The following PRORP variants were observed in gnomAD, a reference collection of about 807,000 sequenced individuals.
PRORP encodes protein only RNase P catalytic subunit.
PRORP carries 51 observed loss-of-function variants against 59.4 expected under a neutral mutation model. That is an observed-to-expected ratio of 0.86 (90% CI 0.69 to 1.08). The LOEUF (loss-of-function observed/expected upper bound fraction) is 1.08. Among genes scored for constraint, PRORP ranks in the 50% least tolerant of loss-of-function variants. The probability of loss-of-function intolerance (pLI) is 0.00; values close to 1 mark genes in which losing one functional copy is unlikely to be tolerated. For missense variants in PRORP, 646 were observed against 690.3 expected (o/e 0.94, Z 0.72); for synonymous variants, 231 against 245.6 (o/e 0.94, Z 0.55).
At position 35,123,774 on chromosome 14, in the gene PRORP, T is replaced by G; in HGVS notation, c.529T>G (p.Leu177Val). Residue 177 changes from leucine (L) to valine (V), a missense_variant, in exon 2 of 8, where the codon TTA becomes GTA. By Grantham distance (32) the Leu-to-Val change is conservative (BLOSUM62 1). Transcript: ENST00000534898. ...AAATAATGGTATTGTAAGTTACGATTTACTGGTCAAGTATTTGTATCTCTG... is the reference window on the plus strand; with the variant it reads ...AAATAATGGTATTGTAAGTTACGATGTACTGGTCAAGTATTTGTATCTCTG... ...AKNNGIVSYD[L>V]LVKYLYLCVF... The G allele has an allele frequency of 6.2e-7, 1 of 1,614,204 alleles. No homozygotes were observed. The highest frequency in any genetic ancestry group is 8.5e-7 in the Non-Finnish European group (1 of 1,180,026).
intron 5 of PRORP, among the ~76,000 whole-genome samples, chr14:35,244,557 G>T (rs1595370232): frequency 6.6e-6 from 1 of 151,820 alleles, no homozygotes; most frequent in African/African-American, 2.4e-5. Context: ...AACATATGAG[G>T]TTGCTATTTT....
At position 35,123,566 on chromosome 14, in the gene PRORP, TGTGAGGAACAC is replaced by T; in HGVS notation, c.322_332del (p.Val108TyrfsTer15). 1 of 1,614,214 alleles carries T rather than the reference TGTGAGGAACAC, an allele frequency of 6.2e-7. No homozygotes were observed. Among genetic ancestry groups the T allele is most frequent in the African/African-American group, 1.3e-5 (1 of 75,052 alleles). On this transcript the variant is annotated frameshift_variant, in exon 2 of 8. Transcript: ENST00000534898. LOFTEE classifies it high-confidence loss of function. ...AAACTGAAGATCATGCCTTGGCACC[TGTGAGGAACAC>T]TATTCAACTCCCAACACAACCTTTG...
Position 35,123,021 on chromosome 14 carries a change from T to C in PRORP, c.-225T>C, listed in dbSNP as rs892614788. On this transcript the variant is annotated 5_prime_UTR_variant, in exon 2 of 8. Transcript: ENST00000534898. ...GTCCCCTGGTTTGCGGCTTGCGACG[T>C]TGGACATCCCCGGATTGTTGTTTAA... 6 of 534,514 alleles carry C rather than the reference T, an allele frequency of 1.1e-5. No individual in the cohort carries two copies. In the East Asian group the frequency reaches 1.6e-4, roughly 14 times the overall value. 33.1% of individuals were successfully genotyped at this position (534,514 alleles called of 1,614,324 possible).
intron 5 of PRORP, among the ~76,000 whole-genome samples, chr14:35,217,803 T>C (rs2049643567): frequency 6.6e-6 from 1 of 152,216 alleles, no homozygotes; most frequent in African/African-American, 2.4e-5. Context: ...TTGATCTGTT[T>C]GTCTGTCTTT....
rs1224285745 is a variant in PRORP at position 35,262,835 on chromosome 14, T to C, written c.1276-3892T>C. ...TGGGTGAAAAATACATCCTCAGGGT[T>C]CGGATGAGAACAGGTGTTGCTTGTT... On this transcript the variant is annotated intron_variant, in intron 5 of 7. Transcript: ENST00000534898. 88 of 1,474,696 alleles carry C rather than the reference T, an allele frequency of 6.0e-5. 1 individual carries two copies. In the Admixed American group the frequency reaches 1.3e-3, roughly 21 times the overall value. The allele number at this position is 1,474,696 out of a possible 1,614,324, so 91.4% of individuals were successfully genotyped here. A position where few individuals can be genotyped will look rare whatever the true frequency, so the allele number is the denominator to read the frequency against.
chr14:35,131,826 C>G (rs1443489820), intron 4 of PRORP, among the ~76,000 whole-genome samples: 1 of 149,996 alleles, frequency 6.7e-6, no homozygotes, highest in Non-Finnish European at 1.5e-5. Flanking sequence ...AGCCACCACA[C>G]CTAGCCAATC....
At chr14:35,173,076 C>T (rs531565244) in intron 4 of PRORP, among the ~76,000 whole-genome samples, 4 of 152,034 alleles carry the variant, frequency 2.6e-5, no homozygotes, top group Admixed American at 6.5e-5. Flanking sequence ...CCATGTTGGC[C>T]GGGCTGGTCT....
intron 1 of PRORP, 64 bp from the exon 2 acceptor site, chr14:35,122,888 T>C (rs1270756437): frequency 9.9e-6 from 2 of 202,670 alleles, no homozygotes; most frequent in Non-Finnish European, 2.0e-5. Flanking sequence ...AATCTGTTCC[T>C]TTTCAGGACA....
At chr14:35,137,592 T>C (rs1354087946) in intron 4 of PRORP, among the ~76,000 whole-genome samples, 2 of 144,568 alleles carry the variant, frequency 1.4e-5, no homozygotes, top group African/African-American at 4.9e-5. Flanking sequence ...GGCAGAAGGA[T>C]TATGGCAGAG....
At chr14:35,221,433 A>C (rs1199422624) in intron 5 of PRORP, among the ~76,000 whole-genome samples, 1 of 152,174 alleles carries the variant, frequency 6.6e-6, no homozygotes, top group Non-Finnish European at 1.5e-5. Context: ...GTCTTTCTTT[A>C]AATTTTTCTA....
intron 5 of PRORP, among the ~76,000 whole-genome samples, chr14:35,254,043 G>A (rs114462230): frequency 0.01 from 1,555 of 149,308 alleles, 33 homozygotes; most frequent in African/African-American, 0.036. Context: ...ATAACTGGCC[G>A]CCTACTAGAT....
At chr14:35,228,442 A>C (rs1427731974) in intron 5 of PRORP, among the ~76,000 whole-genome samples, 1 of 152,140 alleles carries the variant, frequency 6.6e-6, no homozygotes, top group African/African-American at 2.4e-5. Flanking sequence ...AGTGTTTTCA[A>C]CCCTTGCCTT....
intron 4 of PRORP, among the ~76,000 whole-genome samples, chr14:35,173,987 AT>A (rs1278603467): frequency 6.6e-6 from 1 of 152,082 alleles, no homozygotes; most frequent in Non-Finnish European, 1.5e-5. Context: ...CTACTTGGGC[AT>A]TCTCAGGATG....
At chr14:35,260,839 CTG>C (rs1004346396) in intron 5 of PRORP, among the ~76,000 whole-genome samples, 25 of 152,300 alleles carry the variant, frequency 1.6e-4, no homozygotes, top group African/African-American at 5.8e-4. Context: ...GATGTTAAGT[CTG>C]CTAGGTCTGA....
intron 5 of PRORP, among the ~76,000 whole-genome samples, chr14:35,230,594 C>G (rs1238665939): frequency 1.3e-5 from 2 of 152,088 alleles, no homozygotes; most frequent in African/African-American, 2.4e-5. Flanking sequence ...GGTAGGTATC[C>G]TGCATTACAA....
At chr14:35,252,624 T>C (rs1451257004) in intron 5 of PRORP, among the ~76,000 whole-genome samples, 1 of 152,122 alleles carries the variant, frequency 6.6e-6, no homozygotes, top group Admixed American at 6.6e-5. Context: ...TCCAGCTCTC[T>C]CTACGTGTCT....
At chr14:35,242,003 G>A (rs1233160000) in intron 5 of PRORP, among the ~76,000 whole-genome samples, 1 of 152,066 alleles carries the variant, frequency 6.6e-6, no homozygotes, top group Non-Finnish European at 1.5e-5. Flanking sequence ...ACCATGTCTT[G>A]TTTACCCTTA....
chr14:35,275,610 GTATT>G lies in PRORP; in HGVS notation c.*2049_*2052del, dbSNP rs1214233472. 6.6e-6 allele frequency: 1 copy of G among 152,100 alleles called. No individual in the cohort carries two copies. Among genetic ancestry groups the G allele is most frequent in the African/African-American group, 2.4e-5 (1 of 41,410 alleles). 9.4% of individuals were successfully genotyped at this position (152,100 alleles called of 1,614,324 possible). A position where few individuals can be genotyped will look rare whatever the true frequency, so the allele number is the denominator to read the frequency against. Reference sequence around the variant, plus strand: ...GAAAAACATTTTAAGAAGACAAAAAGTATTTATTAAGCCCATCTAAAAGGCTAAT... The same window carrying G: ...GAAAAACATTTTAAGAAGACAAAAAGTATTAAGCCCATCTAAAAGGCTAAT... On this transcript the variant is annotated 3_prime_UTR_variant, in exon 8 of 8. Coordinates refer to ENST00000534898, the MANE Select transcript of PRORP (RefSeq NM_014672.4).
Position 35,127,622 on chromosome 14 carries a change from C to G in PRORP, c.1167+11C>G. Reference sequence around the variant, plus strand: ...AAGACAACACCTCAGGTGAGTCTAACAAGTTTTATTTCTTCTTGGATTGCT... The same window carrying G: ...AAGACAACACCTCAGGTGAGTCTAAGAAGTTTTATTTCTTCTTGGATTGCT... On this transcript the variant is annotated intron_variant, in intron 4 of 7. Transcript: ENST00000534898. 6.2e-7 allele frequency: 1 copy of G among 1,613,566 alleles called. No homozygotes were observed. Among genetic ancestry groups the G allele is most frequent in the Non-Finnish European group, 8.5e-7 (1 of 1,179,786 alleles).
Sources: allele counts gnomAD v4.1 joint callset (sites outside exome capture counted in the v4.1 genomes callset), GRCh38; gene constraint gnomAD v4.1.1; transcripts MANE v1.5; gene names NCBI Gene and HGNC (gene_info 2026-07-23, HGNC 2026-07-21).